LRRC4C: variants seen among roughly 807,000 people sequenced by gnomAD.
The protein encoded by LRRC4C is leucine rich repeat containing 4C.
In LRRC4C, 5 loss-of-function variants were observed where a neutral mutation model predicts 33.6. That is an observed-to-expected ratio of 0.15 (90% confidence interval 0.08 to 0.31). The LOEUF (loss-of-function observed/expected upper bound fraction) is 0.31, where lower values mean the gene tolerates loss of function less well. Among genes scored for constraint, LRRC4C ranks in the 10% least tolerant of loss-of-function variants. The pLI is 1.00. For missense variants in LRRC4C, 560 were observed against 796.7 expected, an observed-to-expected ratio of 0.70 and a Z score of 3.58; for synonymous variants, 329 against 302.0, an observed-to-expected ratio of 1.09 and a Z score of -0.93.
chr11:41,136,707 G>C (rs555363782), intron 1 of LRRC4C, among the ~76,000 whole-genome samples: 3 of 152,028 alleles, frequency 2.0e-5, no homozygotes, highest in African/African-American at 7.2e-5. Context: ...CGTTAGACTC[G>C]AGTTGCCTTT....
intron 2 of LRRC4C, among the ~76,000 whole-genome samples, chr11:40,848,466 C>G (rs540920280): frequency 3.3e-5 from 5 of 151,596 alleles, no homozygotes; most frequent in Non-Finnish European, 5.9e-5. Context: ...TTTTGAGTTT[C>G]TTAATTCTGA....
chr11:40,651,905 G>A (rs1468595582), intron 2 of LRRC4C, among the ~76,000 whole-genome samples: 2 of 152,144 alleles, frequency 1.3e-5, no homozygotes, highest in African/African-American at 4.8e-5. Context: ...CTATAATACT[G>A]TGGTTCTGTC....
At chr11:40,399,831 A>T (rs952914233) in intron 3 of LRRC4C, among the ~76,000 whole-genome samples, 11 of 152,112 alleles carry the variant, frequency 7.2e-5, no homozygotes, top group African/African-American at 2.7e-4. Context: ...CATGCGAAAA[A>T]TACCTGGGGA....
rs566948419 is a variant in LRRC4C at position 41,170,115 on chromosome 11, C to T, written c.-495-236392G>A. ...CACATACTGAATCCTTCACTGATAT[C>T]AAATCTCAGCTTTTTGGTTTATTTT... On this transcript the variant is annotated intron_variant, in intron 1 of 6. Transcript: ENST00000528697. 2.0e-5 allele frequency among the ~76,000 whole-genome samples: 3 copies of T among 152,218 alleles called. No homozygotes were observed. In the South Asian group the frequency reaches 6.2e-4, roughly 32 times the overall value.
intron 1 of LRRC4C, among the ~76,000 whole-genome samples, chr11:41,115,291 C>A (rs1942056053): frequency 6.6e-6 from 1 of 151,852 alleles, no homozygotes; most frequent in Non-Finnish European, 1.5e-5. Context: ...AAGAAAAGAA[C>A]AAATGACTTG....
At chr11:40,610,749 A>G (rs2135881355) in intron 3 of LRRC4C, among the ~76,000 whole-genome samples, 1 of 152,020 alleles carries the variant, frequency 6.6e-6, no homozygotes, top group South Asian at 2.1e-4. Flanking sequence ...TAAAAAGCAA[A>G]TTAAGGAAAC....
chr11:40,749,604 T>A (rs1467075439), intron 2 of LRRC4C, among the ~76,000 whole-genome samples: 10 of 136,324 alleles, frequency 7.3e-5, no homozygotes, highest in South Asian at 4.6e-4. Context: ...AATTAGCAAA[T>A]GAAGGAAATA....
At chr11:40,676,227 T>A (rs1239270272) in intron 2 of LRRC4C, among the ~76,000 whole-genome samples, 2 of 152,188 alleles carry the variant, frequency 1.3e-5, no homozygotes. Context: ...AGCATAAATC[T>A]TTTATGGCAG....
At chr11:41,216,643 G>T (rs142701169) in intron 1 of LRRC4C, among the ~76,000 whole-genome samples, 1 of 152,134 alleles carries the variant, frequency 6.6e-6, no homozygotes, top group Non-Finnish European at 1.5e-5. Context: ...AGGCAAAATA[G>T]CATTTCTCTT....
At chr11:40,249,960 G>T (rs554501928) in intron 4 of LRRC4C, among the ~76,000 whole-genome samples, 2 of 147,202 alleles carry the variant, frequency 1.4e-5, no homozygotes, top group African/African-American at 5.0e-5. Flanking sequence ...AATTTATTGC[G>T]CCAAGGGGCA....
chr11:40,582,311 A>G (rs958439374), intron 3 of LRRC4C, among the ~76,000 whole-genome samples: 7 of 152,178 alleles, frequency 4.6e-5, no homozygotes, highest in African/African-American at 1.7e-4. Flanking sequence ...ATTGTTATAC[A>G]TGAGTTTCAA....
At chr11:40,122,949 T>TTA (rs1314550650) in intron 6 of LRRC4C, among the ~76,000 whole-genome samples, 1 of 99,030 alleles carries the variant, frequency 1.0e-5, no homozygotes, top group Non-Finnish European at 2.1e-5. Context: ...ATATATATAT[T>TTA]TATACACACA....
chr11:41,334,486 G>A (rs1412746025), intron 1 of LRRC4C, among the ~76,000 whole-genome samples: 5 of 151,898 alleles, frequency 3.3e-5, no homozygotes, highest in Non-Finnish European at 7.4e-5. Context: ...CTAGCACCTG[G>A]CAGGTGTTAG....
At chr11:40,828,841 C>T (rs1295422048) in intron 2 of LRRC4C, among the ~76,000 whole-genome samples, 1 of 151,770 alleles carries the variant, frequency 6.6e-6, no homozygotes, top group African/African-American at 2.4e-5. Context: ...CATTCTATTT[C>T]CTAAGGCAGT....
At chr11:41,067,046 G>A (rs1453621781) in intron 1 of LRRC4C, among the ~76,000 whole-genome samples, 2 of 152,086 alleles carry the variant, frequency 1.3e-5, no homozygotes, top group African/African-American at 2.4e-5. Flanking sequence ...ATGACGACAG[G>A]ATCAAATTCA....
chr11:40,148,454 T>C (rs1415893906), intron 5 of LRRC4C, among the ~76,000 whole-genome samples: 1 of 152,176 alleles, frequency 6.6e-6, no homozygotes, highest in Admixed American at 6.5e-5. Context: ...CTTTTTGTCA[T>C]ATGCTTGTGG....
intron 3 of LRRC4C, among the ~76,000 whole-genome samples, chr11:40,375,023 A>C (rs1043331301): frequency 2.6e-5 from 4 of 152,204 alleles, no homozygotes; most frequent in African/African-American, 9.6e-5. Context: ...TTGTATCCTT[A>C]TGGATGCCTT....
chr11:41,150,232 C>T (rs1565428860), intron 1 of LRRC4C, among the ~76,000 whole-genome samples: 1 of 152,160 alleles, frequency 6.6e-6, no homozygotes, highest in Non-Finnish European at 1.5e-5. Flanking sequence ...GCTCAAAAAA[C>T]TGCTAGTGTA....
chr11:41,289,306 A>G (rs1167040422), intron 1 of LRRC4C, among the ~76,000 whole-genome samples: 1 of 152,232 alleles, frequency 6.6e-6, no homozygotes, highest in Non-Finnish European at 1.5e-5. Context: ...AAAAATAAGC[A>G]TAATTAAGCA....
Sources: allele counts gnomAD v4.1 joint callset (sites outside exome capture counted in the v4.1 genomes callset), GRCh38; gene constraint gnomAD v4.1.1; transcripts MANE v1.5; gene names NCBI Gene and HGNC (gene_info 2026-07-23, HGNC 2026-07-21).